The following NACC2 variants were observed in gnomAD, a reference collection of about 807,000 sequenced individuals.
NACC2 encodes NACC family member 2, also known as nucleus accumbens-associated protein 2.
Under a neutral mutation model 25.1 loss-of-function variants are expected in NACC2, and 8 were observed. The ratio of observed to expected loss-of-function variants is 0.32; its 90% CI spans 0.19 to 0.57. NACC2 has a LOEUF of 0.57. Among genes scored for constraint, NACC2 ranks in the 20% least tolerant of loss-of-function variants. The probability of loss-of-function intolerance (pLI) is 0.89; values close to 1 mark genes in which losing one functional copy is unlikely to be tolerated. For missense variants in NACC2, 644 were observed against 650.2 expected, an observed-to-expected ratio of 0.99 and a Z score of 0.10; for synonymous variants, 435 against 294.7, an observed-to-expected ratio of 1.48 and a Z score of -4.88.
At position 136,010,503 on chromosome 9, in the gene NACC2, G is replaced by A. The variant is rs539404505; in HGVS notation, c.*1013C>T. 1 of 152,362 alleles carries A rather than the reference G, an allele frequency of 6.6e-6. No individual in the cohort carries two copies. The highest frequency in any genetic ancestry group is 1.9e-4 in the East Asian group (1 of 5,174). The allele number at this position is 152,362 out of a possible 1,614,324, so 9.4% of individuals were successfully genotyped here. On this transcript the variant is annotated 3_prime_UTR_variant, in exon 6 of 6. Coordinates refer to ENST00000277554, the MANE Select transcript of NACC2 (RefSeq NM_144653.5). The surrounding 1 kb of genome is among the most constrained non-coding windows in gnomAD (Gnocchi z 4.9). ...ACGAGTGGTCCCTGGCCCTGGGCGG[G>A]GGAGCAGGGGGACGCACCCTAACGG...
chr9:136,021,331 C>T (rs1324740354), intron 2 of NACC2, among the ~76,000 whole-genome samples: 1 of 142,940 alleles, frequency 7.0e-6, no homozygotes, highest in Non-Finnish European at 1.5e-5. Flanking sequence ...GTTGCGGTCC[C>T]ACCTCCCAGT....
intron 1 of NACC2, among the ~76,000 whole-genome samples, chr9:136,075,990 G>A (rs1234783207): frequency 6.6e-6 from 1 of 152,148 alleles, no homozygotes; most frequent in Non-Finnish European, 1.5e-5. Context: ...ACAAAACTCC[G>A]AGACACCCGC....
intron 1 of NACC2, among the ~76,000 whole-genome samples, chr9:136,072,148 G>A (rs1841161933): frequency 6.6e-6 from 1 of 152,110 alleles, no homozygotes; most frequent in African/African-American, 2.4e-5. Flanking sequence ...TGAGGCAGGA[G>A]AATTACTTGA....
rs538893174 is a variant in NACC2 at position 136,024,056 on chromosome 9, G to GT, written c.887-7628dup. On this transcript the variant is annotated intron_variant, in intron 2 of 5. Transcript: ENST00000277554. The stretch of plus-strand genomic sequence containing the variant: ...GGGAGACAGAGTGTGTGGGGACAGC[G>GT]TGTGTGTGTGAGGCCAGAGTGTGAG... Among the ~76,000 whole-genome samples, 954 of 152,200 alleles carry GT rather than the reference G, an allele frequency of 6.3e-3. 12 individuals carry two copies. Among genetic ancestry groups the GT allele is most frequent in the African/African-American group, 0.022 (920 of 41,522 alleles).
At position 136,008,969 on chromosome 9, in the gene NACC2, G is replaced by C. The variant is rs1230647847; in HGVS notation, c.*2547C>G. The C allele has an allele frequency of 6.6e-6, 1 of 152,324 alleles. No individual in the cohort carries two copies. Among genetic ancestry groups the C allele is most frequent in the East Asian group, 1.9e-4 (1 of 5,200 alleles). 9.4% of individuals were successfully genotyped at this position (152,324 alleles called of 1,614,324 possible). A position where few individuals can be genotyped will look rare whatever the true frequency, so the allele number is the denominator to read the frequency against. ...CAGACGGCGATTACAAACGAGTGAGGAAGGGGCACGGGACATTGTGCGGGC... is the reference window on the plus strand; with the variant it reads ...CAGACGGCGATTACAAACGAGTGAGCAAGGGGCACGGGACATTGTGCGGGC... On this transcript the variant is annotated 3_prime_UTR_variant, in exon 6 of 6. Coordinates refer to ENST00000277554, the MANE Select transcript of NACC2 (RefSeq NM_144653.5).
intron 1 of NACC2, among the ~76,000 whole-genome samples, chr9:136,082,337 C>T (rs955984366): frequency 2.0e-5 from 3 of 152,252 alleles, no homozygotes; most frequent in Non-Finnish European, 2.9e-5. Context: ...GGGCTCTGCC[C>T]CGCCTGTGCC....
At chr9:136,059,765 CTGTG>C (rs1564234523) in intron 1 of NACC2, among the ~76,000 whole-genome samples, 3 of 152,218 alleles carry the variant, frequency 2.0e-5, no homozygotes, top group Admixed American at 1.3e-4. Flanking sequence ...ACTGTTGGGC[CTGTG>C]TGTGTATCCG....
chr9:136,031,419 A>G (rs1215041342), intron 2 of NACC2, among the ~76,000 whole-genome samples: 1 of 151,974 alleles, frequency 6.6e-6, no homozygotes, highest in Non-Finnish European at 1.5e-5. Flanking sequence ...CTCACTGCAA[A>G]CTCTGCCTCC....
In NACC2 at chr9:136,011,755, G is replaced by A; in HGVS notation, c.1525C>T (p.Leu509=). The change falls in exon 6 of 6, where the codon CTG becomes TTG. Residue 509 remains leucine, a synonymous_variant. Coordinates refer to ENST00000277554, the MANE Select transcript of NACC2 (RefSeq NM_144653.5). The part of the protein sequence containing the change: ...RRGDAATIVA[L]RTDAVNVDLS... ...TCAACATTCACGGCGTCAGTTCTCA[G>A]AGCCACGATGGTGGCGGCGTCGCCC... 9.1e-6 allele frequency: 14 copies of A among 1,543,194 alleles called. No homozygotes were observed. In the East Asian group the frequency reaches 1.7e-4, roughly 18 times the overall value.
chr9:136,081,509 G>A (rs1237386700), intron 1 of NACC2, among the ~76,000 whole-genome samples: 1 of 152,264 alleles, frequency 6.6e-6, no homozygotes, highest in African/African-American at 2.4e-5. Flanking sequence ...ACCTCGGGCT[G>A]TAACAGAATT....
At chr9:136,092,792 A>T (rs1830446389) in intron 1 of NACC2, among the ~76,000 whole-genome samples, 1 of 152,202 alleles carries the variant, frequency 6.6e-6, no homozygotes, top group African/African-American at 2.4e-5. Context: ...ATGCTGGTGT[A>T]TCCTGGGGTA....
intron 3 of NACC2, among the ~76,000 whole-genome samples, chr9:136,016,052 C>T (rs540819349): frequency 1.2e-4 from 19 of 152,150 alleles, no homozygotes; most frequent in Non-Finnish European, 2.1e-4. Flanking sequence ...ATCAGGAATG[C>T]GACCAGCCCA....
At position 136,050,424 on chromosome 9, in the gene NACC2, G is replaced by GAC; in HGVS notation, c.96_97dup (p.Ser33CysfsTer61). 1 of 766,490 alleles carries GAC rather than the reference G, an allele frequency of 1.3e-6. No individual in the cohort carries two copies. Among genetic ancestry groups the GAC allele is most frequent in the South Asian group, 1.3e-5 (1 of 74,178 alleles). The allele number at this position is 766,490 out of a possible 1,614,324, so 47.5% of individuals were successfully genotyped here. A position where few individuals can be genotyped will look rare whatever the true frequency, so the allele number is the denominator to read the frequency against. Reference sequence around the variant, plus strand: ...GAAGGCCTGGCCCTTGACCACGATGGACACATCGCAGTAGAGGCCCAGCAG... The same window carrying GAC: ...GAAGGCCTGGCCCTTGACCACGATGGACACACATCGCAGTAGAGGCCCAGCAG... On this transcript the variant is annotated frameshift_variant, in exon 2 of 6. Transcript: ENST00000277554. LOFTEE classifies it high-confidence loss of function.
intron 2 of NACC2, among the ~76,000 whole-genome samples, chr9:136,030,911 C>T (rs990153327): frequency 5.3e-5 from 8 of 152,110 alleles, no homozygotes; most frequent in African/African-American, 1.9e-4. Context: ...GATCTGCCCA[C>T]CTCAGCCTCG....
intron 1 of NACC2, among the ~76,000 whole-genome samples, chr9:136,054,418 C>T (rs1293975294): frequency 2.0e-5 from 3 of 152,144 alleles, no homozygotes; most frequent in African/African-American, 4.8e-5. Flanking sequence ...TGCTGAGAGC[C>T]GGACAGGAGC....
At chr9:136,028,970 C>T (rs10858208) in intron 2 of NACC2, among the ~76,000 whole-genome samples, 41,437 of 152,084 alleles carry the variant, frequency 0.27, 6,149 homozygotes, top group East Asian at 0.35. Context: ...AGAGGGAGGC[C>T]GAGGTGGGGC....
intron 5 of NACC2, among the ~76,000 whole-genome samples, chr9:136,012,678 T>C (rs1840129995): frequency 6.6e-6 from 1 of 152,130 alleles, no homozygotes; most frequent in East Asian, 1.9e-4. Context: ...TTTTTTCTTT[T>C]TTTTAGGAAG....
At chr9:136,017,113 C>T (rs949914775) in intron 2 of NACC2, among the ~76,000 whole-genome samples, 1 of 152,088 alleles carries the variant, frequency 6.6e-6, no homozygotes, top group Non-Finnish European at 1.5e-5. Flanking sequence ...CCAGGCTGGC[C>T]GACACGCCAC....
At chr9:136,059,597 C>A (rs879739059) in intron 1 of NACC2, among the ~76,000 whole-genome samples, 1 of 152,222 alleles carries the variant, frequency 6.6e-6, no homozygotes, top group African/African-American at 2.4e-5. Flanking sequence ...TCCAGCAACG[C>A]GTCCAGGTCA....
Sources: gnomAD v4.1 joint callset for allele counts (sites outside exome capture counted in the v4.1 genomes callset) on GRCh38, gnomAD v4.1.1 for gene constraint, Gnocchi (gnomAD v3.1) non-coding constraint, MANE v1.5 for transcripts, NCBI Gene and HGNC (gene_info 2026-07-23, HGNC 2026-07-21) for gene names.